TGFBR2: variants seen among roughly 807,000 people sequenced by gnomAD.
TGFBR2 encodes the protein TGF-beta receptor type-2.
In TGFBR2, 18 loss-of-function variants were observed where a neutral mutation model predicts 49.0. The observed-to-expected ratio is 0.37, with a 90% CI of 0.25 to 0.54. The LOEUF (loss-of-function observed/expected upper bound fraction) is 0.54. Among genes scored for constraint, TGFBR2 ranks in the 20% least tolerant of loss-of-function variants. The probability of loss-of-function intolerance (pLI) is 0.85; values close to 1 mark genes in which losing one functional copy is unlikely to be tolerated. For synonymous variants in TGFBR2, 282 were observed against 275.9 expected (o/e 1.02, Z -0.22); for missense variants, 525 against 722.6 (o/e 0.73, Z 3.13).
chr3:30,671,544 T>C, intron 3 of TGFBR2, 94 bp from the exon 4 acceptor site: 2 of 1,296,030 alleles, frequency 1.5e-6, no homozygotes, highest in Non-Finnish European at 2.2e-6. Context: ...ATGCAGATGC[T>C]AAAATCTATA....
In TGFBR2 at chr3:30,672,462, C is replaced by T. The variant is rs763918013; in HGVS notation, c.1254+25C>T. ...GGTAAGTTAGAGCTAGTGCTAGATC[C>T]CCTTTACCTTGAGCCTGGCCTCACC... is the stretch of plus-strand genomic sequence containing the variant. On this transcript the variant is annotated intron_variant, in intron 4 of 6. Coordinates refer to ENST00000295754, the MANE Select transcript of TGFBR2 (RefSeq NM_003242.6). The surrounding 1 kb of genome is among the most constrained non-coding windows in gnomAD (Gnocchi z 4.5). 6.2e-7 allele frequency: 1 copy of T among 1,612,354 alleles called. No homozygotes were observed. The highest frequency in any genetic ancestry group is 1.3e-5 in the African/African-American group (1 of 74,992).
At chr3:30,637,580 T>C (rs1350960991) in intron 1 of TGFBR2, among the ~76,000 whole-genome samples, 1 of 152,204 alleles carries the variant, frequency 6.6e-6, no homozygotes, top group Non-Finnish European at 1.5e-5. Context: ...AGAACTGATC[T>C]CTAAGGGCAA....
At chr3:30,642,652 T>C (rs151297302) in intron 1 of TGFBR2, among the ~76,000 whole-genome samples, 51 of 152,340 alleles carry the variant, frequency 3.3e-4, no homozygotes, top group African/African-American at 1.2e-3. Context: ...AAATAGATGC[T>C]TGTCCAAAAC....
At chr3:30,658,734 T>C (rs1399508959) in intron 3 of TGFBR2, among the ~76,000 whole-genome samples, 2 of 152,214 alleles carry the variant, frequency 1.3e-5, no homozygotes, top group South Asian at 2.1e-4. Flanking sequence ...AACAGCCTTT[T>C]TGGTTTGCTA....
At position 30,687,822 on chromosome 3, in the gene TGFBR2, G is replaced by A. The variant is rs572864972; in HGVS notation, c.1397-562G>A. ...CTGTACAAGGTACTTCATACAAGTG[G>A]AATGATACAATATTTGTCCTTTTGT... On this transcript the variant is annotated intron_variant, in intron 5 of 6. Coordinates refer to ENST00000295754, the MANE Select transcript of TGFBR2 (RefSeq NM_003242.6). Among the ~76,000 whole-genome samples, 12 of 152,286 alleles carry A rather than the reference G, an allele frequency of 7.9e-5. No homozygotes were observed. The South Asian group carries it at 2.5e-3, about 32-fold the overall frequency.
chr3:30,617,931 G>A (rs1698159830), intron 1 of TGFBR2, among the ~76,000 whole-genome samples: 1 of 152,212 alleles, frequency 6.6e-6, no homozygotes. Flanking sequence ...GTTCCAAAGA[G>A]TAGCCAAATG....
chr3:30,639,167 T>C (rs916038022), intron 1 of TGFBR2, among the ~76,000 whole-genome samples: 1 of 152,138 alleles, frequency 6.6e-6, no homozygotes, highest in African/African-American at 2.4e-5. Context: ...AAAAACTGGG[T>C]TCTCCACAGC....
intron 5 of TGFBR2, among the ~76,000 whole-genome samples, chr3:30,679,303 A>T (rs1699493865): frequency 6.6e-6 from 1 of 151,968 alleles, no homozygotes; most frequent in Admixed American, 6.5e-5. Flanking sequence ...GAAGAGGAAG[A>T]CTCTGGGGCA....
chr3:30,664,773 C>G (rs1699215115), intron 3 of TGFBR2, among the ~76,000 whole-genome samples: 1 of 152,202 alleles, frequency 6.6e-6, no homozygotes, highest in Admixed American at 6.5e-5. Context: ...CCTCCCTAAT[C>G]CACTATTTTA....
chr3:30,629,441 T>G (rs1300162394), intron 1 of TGFBR2, among the ~76,000 whole-genome samples: 1 of 152,218 alleles, frequency 6.6e-6, no homozygotes, highest in Non-Finnish European at 1.5e-5. Flanking sequence ...TTCCTTTTAT[T>G]GCTAAGTTAG....
rs863223843 is a variant in TGFBR2 at position 30,672,303 on chromosome 3, C to T, written c.1120C>T (p.Pro374Ser). The T allele has an allele frequency of 3.1e-6, 5 of 1,607,820 alleles. No individual in the cohort carries two copies. The highest frequency in any genetic ancestry group is 2.6e-6 in the Non-Finnish European group (3 of 1,176,200). The part of the protein sequence containing the change: ...DHTPCGRPKM[P>S]IVHRDLKSSN... ...CACTCCATGTGGGAGGCCCAAGATGCCCATCGTGCACAGGGACCTCAAGAG... is the reference window on the plus strand; with the variant it reads ...CACTCCATGTGGGAGGCCCAAGATGTCCATCGTGCACAGGGACCTCAAGAG... Residue 374 changes from proline to serine, a missense_variant, in exon 4 of 7, where the codon CCC becomes TCC. Physicochemically the swap from Pro to Ser is moderately conservative, Grantham distance 74. Around this residue, in one of 3 missense-constraint regions of TGFBR2, gnomAD observed 376 missense variants for 478.2 expected, o/e 0.79. Transcript: ENST00000295754. The surrounding 1 kb of genome is among the most constrained non-coding windows in gnomAD (Gnocchi z 4.5).
chr3:30,661,352 A>G (rs1699124461), intron 3 of TGFBR2, among the ~76,000 whole-genome samples: 1 of 152,182 alleles, frequency 6.6e-6, no homozygotes, highest in Non-Finnish European at 1.5e-5. Context: ...GGTACCTTGT[A>G]GGCACCCTCC....
intron 1 of TGFBR2, among the ~76,000 whole-genome samples, chr3:30,640,887 T>A (rs1334526268): frequency 6.6e-6 from 1 of 152,236 alleles, no homozygotes; most frequent in Non-Finnish European, 1.5e-5. Flanking sequence ...TTCCTAGCTA[T>A]GCACATGTAT....
chr3:30,671,391 C>A (rs757005319), intron 3 of TGFBR2, among the ~76,000 whole-genome samples: 1 of 152,168 alleles, frequency 6.6e-6, no homozygotes, highest in African/African-American at 2.4e-5. Flanking sequence ...TTTTTCTAGG[C>A]CTCTCTTAAG....
intron 1 of TGFBR2, among the ~76,000 whole-genome samples, chr3:30,642,037 T>TA (rs1458502862): frequency 6.6e-6 from 1 of 152,146 alleles, no homozygotes; most frequent in Non-Finnish European, 1.5e-5. Context: ...CATTTGTCAA[T>TA]ACATCTGTGG....
chr3:30,633,581 T>C (rs1279465757), intron 1 of TGFBR2, among the ~76,000 whole-genome samples: 2 of 151,584 alleles, frequency 1.3e-5, no homozygotes, highest in African/African-American at 4.9e-5. Context: ...GGCAGGGGAG[T>C]AGGTGACATG....
At chr3:30,648,931 C>G (rs1467927020) in intron 2 of TGFBR2, among the ~76,000 whole-genome samples, 1 of 152,166 alleles carries the variant, frequency 6.6e-6, no homozygotes, top group Non-Finnish European at 1.5e-5. Flanking sequence ...CTCTTTCTCT[C>G]ATGGGGATGG....
chr3:30,658,552 C>T (rs1229569055), intron 3 of TGFBR2, among the ~76,000 whole-genome samples: 3 of 152,100 alleles, frequency 2.0e-5, no homozygotes, highest in African/African-American at 7.2e-5. Flanking sequence ...AAGATGTATG[C>T]CCAGTGGTGC....
chr3:30,644,819 T>C lies in TGFBR2; in HGVS notation c.167T>C (p.Val56Ala). 1.2e-6 allele frequency: 2 copies of C among 1,614,086 alleles called. No individual in the cohort carries two copies. Among genetic ancestry groups the C allele is most frequent in the East Asian group, 4.5e-5 (2 of 44,874 alleles). Residue 56 changes from valine to alanine, a missense_variant, in exon 2 of 7, where the codon GTG becomes GCG. Physicochemically the swap from Val to Ala is moderately conservative, Grantham distance 64. Around this residue, in one of 3 missense-constraint regions of TGFBR2, gnomAD observed 376 missense variants for 478.2 expected, o/e 0.79. Coordinates refer to ENST00000295754, the MANE Select transcript of TGFBR2 (RefSeq NM_003242.6). The part of the protein sequence containing the change: ...KFPQLCKFCD[V>A]RFSTCDNQKS... ...CCACAACTGTGTAAATTTTGTGATGTGAGATTTTCCACCTGTGACAACCAG... is the reference window on the plus strand; with the variant it reads ...CCACAACTGTGTAAATTTTGTGATGCGAGATTTTCCACCTGTGACAACCAG...
Sources: gnomAD v4.1 joint callset for allele counts (sites outside exome capture counted in the v4.1 genomes callset) on GRCh38, gnomAD v4.1.1 for gene constraint, gnomAD v4.1.1 regional missense constraint, Gnocchi (gnomAD v3.1) non-coding constraint, MANE v1.5 for transcripts, NCBI Gene and HGNC (gene_info 2026-07-23, HGNC 2026-07-21) for gene names.